Variants in PDE4D observed in about 807,000 individuals in gnomAD.
The protein encoded by PDE4D is phosphodiesterase 4D, also known as 3',5'-cyclic-AMP phosphodiesterase 4D.
PDE4D carries 24 observed loss-of-function variants against 87.4 expected under a neutral mutation model. That is an observed-to-expected ratio of 0.27 (90% confidence interval 0.20 to 0.39). The LOEUF (loss-of-function observed/expected upper bound fraction) is 0.39, where lower values mean the gene tolerates loss of function less well. PDE4D is among the 10% of genes least tolerant of loss of function. The pLI is 1.00. For missense variants in PDE4D, 714 were observed against 1,041.0 expected, an observed-to-expected ratio of 0.69 and a Z score of 4.32; for synonymous variants, 384 against 383.2, an observed-to-expected ratio of 1.00 and a Z score of -0.02.
intron 2 of PDE4D, among the ~76,000 whole-genome samples, chr5:60,008,756 C>T (rs1210961119): frequency 6.6e-6 from 1 of 152,086 alleles, no homozygotes; most frequent in African/African-American, 2.4e-5. Flanking sequence ...CCTAAACCTA[C>T]AGTTGTTATT....
intron 2 of PDE4D, among the ~76,000 whole-genome samples, chr5:60,163,832 G>C (rs529110050): frequency 6.6e-6 from 1 of 152,240 alleles, no homozygotes; most frequent in African/African-American, 2.4e-5. Flanking sequence ...AGAAAATATT[G>C]GCTTTGAATA....
intron 1 of PDE4D, among the ~76,000 whole-genome samples, chr5:60,447,755 A>C (rs757594034): frequency 7.2e-5 from 11 of 152,274 alleles, no homozygotes; most frequent in Non-Finnish European, 1.2e-4. Context: ...AGCTGAGTAC[A>C]CACTGAGGAC....
chr5:59,003,083 G>C (rs1750873544), intron 6 of PDE4D, among the ~76,000 whole-genome samples: 1 of 152,080 alleles, frequency 6.6e-6, no homozygotes, highest in Non-Finnish European at 1.5e-5. Flanking sequence ...AGCACTCCAT[G>C]TCTCAGGGCC....
chr5:60,010,860 A>G (rs1278587051), intron 2 of PDE4D, among the ~76,000 whole-genome samples: 1 of 152,158 alleles, frequency 6.6e-6, no homozygotes, highest in Non-Finnish European at 1.5e-5. Context: ...TATTGGTATT[A>G]TCTAAAATAA....
Position 59,792,358 on chromosome 5 carries a change from C to T in PDE4D, c.455+100810G>A, listed in dbSNP as rs1407129418. Among the ~76,000 whole-genome samples, 8 of 150,030 alleles carry T rather than the reference C, an allele frequency of 5.3e-5. No individual in the cohort carries two copies. In the South Asian group the frequency reaches 1.0e-3, roughly 20 times the overall value. ...TTTTATTTTTTTTCATTTCAAATTC[C>T]GGGCACTTAAAATACTAGCAACCAA... On this transcript the variant is annotated intron_variant, in intron 1 of 14. Coordinates refer to ENST00000340635, the MANE Select transcript of PDE4D (RefSeq NM_001104631.2).
chr5:60,045,049 T>C (rs1206386831), intron 2 of PDE4D, among the ~76,000 whole-genome samples: 1 of 152,216 alleles, frequency 6.6e-6, no homozygotes, highest in Non-Finnish European at 1.5e-5. Context: ...TTTTTAATGA[T>C]CACCATTCTA....
rs558983194 is a variant in PDE4D, at chr5:59,381,439, T to C, written c.456-165471A>G. Among the ~76,000 whole-genome samples the C allele has an allele frequency of 8.5e-5, 13 of 152,154 alleles. No individual in the cohort carries two copies. In the East Asian group the frequency reaches 1.7e-3, roughly 20 times the overall value. ...GATTAGTATCCTCATTCCTCTTTAT[T>C]TTTATATAATTAATAATAATATTTG... is the stretch of plus-strand genomic sequence containing the variant. On this transcript the variant is annotated intron_variant, in intron 1 of 14. Transcript: ENST00000340635.
At chr5:59,352,956 T>C (rs1255367692) in intron 1 of PDE4D, among the ~76,000 whole-genome samples, 1 of 152,164 alleles carries the variant, frequency 6.6e-6, no homozygotes, top group Non-Finnish European at 1.5e-5. Flanking sequence ...ATTTGGAGAT[T>C]TTCTGAGAAT....
chr5:59,219,028 A>T (rs1036421901), intron 1 of PDE4D, among the ~76,000 whole-genome samples: 2 of 109,666 alleles, frequency 1.8e-5, no homozygotes, highest in East Asian at 2.8e-4. Context: ...GGAATATCAC[A>T]CTCTGGGGAC....
chr5:59,899,438 T>C (rs2152761199), intron 3 of PDE4D, among the ~76,000 whole-genome samples: 1 of 151,698 alleles, frequency 6.6e-6, no homozygotes, highest in Admixed American at 6.6e-5. Context: ...CCTAAGCACA[T>C]ATATATATAT....
intron 1 of PDE4D, among the ~76,000 whole-genome samples, chr5:59,771,421 GAAAGAAAAAGAA>G (rs1207730068): frequency 8.6e-6 from 1 of 115,640 alleles, no homozygotes; most frequent in African/African-American, 3.1e-5. Flanking sequence ...AAGAAGGAAA[GAAAGAAAAAGAA>G]AAAGAAAGAA....
In PDE4D at chr5:60,110,717, C is replaced by T. The variant is rs766155213; in HGVS notation, c.42+74840G>A. 6.6e-4 allele frequency among the ~76,000 whole-genome samples: 101 copies of T among 152,046 alleles called. 1 individual carries two copies. Among genetic ancestry groups the T allele is most frequent in the Non-Finnish European group, 1.1e-3 (74 of 67,978 alleles). On this transcript the variant is annotated intron_variant, in intron 2 of 16. Coordinates refer to the PDE4D transcript ENST00000502484. ...ACCTCTACCATCATGTTTATTGCGG[C>T]ACTACTTATAACAGCTAAGATATGG... is the stretch of plus-strand genomic sequence containing the variant.
chr5:60,092,335 A>G (rs1413362581), intron 2 of PDE4D, among the ~76,000 whole-genome samples: 1 of 152,080 alleles, frequency 6.6e-6, no homozygotes, highest in East Asian at 1.9e-4. Context: ...TAATGTGTAA[A>G]AAAATACAGT....
At chr5:59,962,544 A>T (rs1759586676) in intron 3 of PDE4D, among the ~76,000 whole-genome samples, 1 of 133,456 alleles carries the variant, frequency 7.5e-6, no homozygotes, top group African/African-American at 2.6e-5. Flanking sequence ...AATATTTCTC[A>T]AAATTTGATA....
At chr5:60,087,525 A>T (rs906359815) in intron 2 of PDE4D, among the ~76,000 whole-genome samples, 19 of 152,350 alleles carry the variant, frequency 1.2e-4, no homozygotes, top group Non-Finnish European at 1.9e-4. Flanking sequence ...ATCCAGGAAC[A>T]AAATAAGAAA....
chr5:59,134,343 A>C (rs1022625161), intron 5 of PDE4D, among the ~76,000 whole-genome samples: 1 of 151,798 alleles, frequency 6.6e-6, no homozygotes, highest in African/African-American at 2.4e-5. Flanking sequence ...ACAAAGAATA[A>C]CTGATAAAAT....
intron 2 of PDE4D, among the ~76,000 whole-genome samples, chr5:60,122,614 A>T (rs1778790499): frequency 6.6e-6 from 1 of 152,014 alleles, no homozygotes. Flanking sequence ...CAGCACGGGG[A>T]CCCTGGGCCT....
At chr5:59,942,255 C>T (rs1757266515) in intron 3 of PDE4D, among the ~76,000 whole-genome samples, 1 of 152,104 alleles carries the variant, frequency 6.6e-6, no homozygotes, top group South Asian at 2.1e-4. Flanking sequence ...ACTAGTTTTA[C>T]TGGGGAGTGG....
Position 60,075,528 on chromosome 5 carries a change from C to T in PDE4D, c.43-86811G>A, listed in dbSNP as rs576842224. 3.4e-4 allele frequency among the ~76,000 whole-genome samples: 51 copies of T among 152,230 alleles called. 1 individual carries two copies. Among genetic ancestry groups the T allele is most frequent in the African/African-American group, 1.1e-3 (47 of 41,544 alleles). ...TGAAGTCTCTTATGGGGGTTCTCTG[C>T]ATTTCTGAATTTAAATGCTGGCCTC... On this transcript the variant is annotated intron_variant, in intron 2 of 16. Coordinates refer to the PDE4D transcript ENST00000502484.
Sources: allele counts gnomAD v4.1 joint callset (sites outside exome capture counted in the v4.1 genomes callset), GRCh38; gene constraint gnomAD v4.1.1; transcripts MANE v1.5; gene names NCBI Gene and HGNC (gene_info 2026-07-23, HGNC 2026-07-21).